SLMAP: variants seen among roughly 807,000 people sequenced by gnomAD.
SLMAP encodes the protein sarcolemma associated protein, also known as sarcolemmal membrane-associated protein.
A neutral mutation model predicts 128.8 loss-of-function variants in SLMAP; 44 were observed. The observed-to-expected ratio is 0.34, with a 90% CI of 0.27 to 0.44. SLMAP has a LOEUF of 0.44. Ranked by LOEUF, SLMAP falls within the 20% of genes least tolerant of loss-of-function variation. The pLI is 1.00. For synonymous variants in SLMAP, 327 were observed against 348.8 expected, an observed-to-expected ratio of 0.94 and a Z score of 0.70; for missense variants, 787 against 985.3, an observed-to-expected ratio of 0.80 and a Z score of 2.69.
In SLMAP at chr3:57,839,523, T is replaced by G. The variant is rs576119971; in HGVS notation, c.347-1776T>G. ...TGGCATGGTCTCGGCTCACTGCAAC[T>G]TTCGCCTCCCAGGTTCAAGCAGTTC... is the stretch of plus-strand genomic sequence containing the variant. On this transcript the variant is annotated intron_variant, in intron 3 of 24. Coordinates refer to ENST00000671191, the MANE Select transcript of SLMAP (RefSeq NM_001377540.1). Among the ~76,000 whole-genome samples the G allele has an allele frequency of 4.3e-4, 60 of 140,932 alleles. No homozygotes were observed. The East Asian group carries it at 0.013, about 30-fold the overall frequency. The allele number at this position is 140,932 out of a possible 152,430, so 92.5% of individuals were successfully genotyped here.
chr3:57,813,366 G>C (rs1256576156), intron 2 of SLMAP, among the ~76,000 whole-genome samples: 2 of 152,082 alleles, frequency 1.3e-5, no homozygotes, highest in African/African-American at 4.8e-5. Context: ...AAAGTGCTGG[G>C]ATTACAAGCC....
intron 3 of SLMAP, among the ~76,000 whole-genome samples, chr3:57,838,661 A>G (rs960768067): frequency 6.6e-6 from 1 of 152,194 alleles, no homozygotes; most frequent in Non-Finnish European, 1.5e-5. Flanking sequence ...TTACCCAGAT[A>G]CTGAGCTTTG....
intron 2 of SLMAP, among the ~76,000 whole-genome samples, chr3:57,760,790 C>T (rs1465134383): frequency 1.3e-5 from 2 of 151,934 alleles, no homozygotes; most frequent in Non-Finnish European, 2.9e-5. Context: ...TGCAATGGCG[C>T]GATCTTGGCT....
intron 10 of SLMAP, 119 bp from the exon 11 acceptor site, chr3:57,864,429 C>T (rs184626764): frequency 1.6e-6 from 1 of 628,150 alleles, no homozygotes; most frequent in East Asian, 2.9e-5. Flanking sequence ...TTCTGTAGAA[C>T]ATTTCTTTTC....
chr3:57,897,973 G>T (rs1205779078), intron 17 of SLMAP: 4 of 152,170 alleles, frequency 2.6e-5, no homozygotes, highest in African/African-American at 9.7e-5. Context: ...AGCCCAGTGG[G>T]TTTATTAAAA....
intron 2 of SLMAP, among the ~76,000 whole-genome samples, chr3:57,821,905 A>T (rs1032500854): frequency 7.2e-6 from 1 of 138,334 alleles, no homozygotes; most frequent in Non-Finnish European, 1.6e-5. Flanking sequence ...ATTTGCTGCA[A>T]TACCTGTTCC....
chr3:57,773,742 T>C (rs2081315183), intron 2 of SLMAP, among the ~76,000 whole-genome samples: 1 of 152,194 alleles, frequency 6.6e-6, no homozygotes, highest in Non-Finnish European at 1.5e-5. Flanking sequence ...TTCATAAGTA[T>C]AGTGAGCAGA....
chr3:57,924,944 T>G (rs1003944834), intron 23 of SLMAP, among the ~76,000 whole-genome samples: 1 of 150,650 alleles, frequency 6.6e-6, no homozygotes, highest in Non-Finnish European at 1.5e-5. Flanking sequence ...GTGTTTTTTG[T>G]TTTTTGTTTT....
intron 2 of SLMAP, among the ~76,000 whole-genome samples, chr3:57,817,609 A>G (rs2092015862): frequency 6.6e-6 from 1 of 152,184 alleles, no homozygotes; most frequent in Non-Finnish European, 1.5e-5. Context: ...TTCTTTCTGT[A>G]TAATCTTTGG....
chr3:57,871,207 G>A (rs2095472437), intron 13 of SLMAP, among the ~76,000 whole-genome samples: 1 of 152,112 alleles, frequency 6.6e-6, no homozygotes, highest in Non-Finnish European at 1.5e-5. Context: ...ATTACTTTAT[G>A]ATATTCTTAA....
intron 2 of SLMAP, among the ~76,000 whole-genome samples, chr3:57,818,296 C>T (rs1383342529): frequency 1.3e-5 from 2 of 152,188 alleles, no homozygotes; most frequent in Non-Finnish European, 2.9e-5. Context: ...GCTGGGATTA[C>T]AGGCATGCGC....
At chr3:57,865,395 T>C in intron 13 of SLMAP, 103 bp downstream of exon 13, 1 of 469,954 alleles carries the variant, frequency 2.1e-6, no homozygotes, top group African/African-American at 2.0e-5. Flanking sequence ...ATGAAAAGCA[T>C]GCTCTCACAG....
At chr3:57,843,775 C>CTTTTTTTTTTTTTTTTTTTTTTTTTTTTT (rs775541858) in intron 4 of SLMAP, among the ~76,000 whole-genome samples, 8 of 77,138 alleles carry the variant, frequency 1.0e-4, no homozygotes, top group East Asian at 4.6e-4. Context: ...TCTTTTCTTT[C>CTTTTTTTTTTTTTTTTTTTTTTTTTTTTT]TTTTTTTTTT....
chr3:57,859,454 C>T (rs946270419), intron 8 of SLMAP, among the ~76,000 whole-genome samples: 3 of 151,832 alleles, frequency 2.0e-5, no homozygotes, highest in Non-Finnish European at 4.4e-5. Context: ...ACTCGGGAGG[C>T]TTAGGTGGAA....
chr3:57,813,961 C>CTT (rs879747635), intron 2 of SLMAP, among the ~76,000 whole-genome samples: 1 of 140,900 alleles, frequency 7.1e-6, no homozygotes, highest in Non-Finnish European at 1.6e-5. Flanking sequence ...CCATACATGT[C>CTT]TTTTTTTTTT....
chr3:57,896,781 A>G, intron 16 of SLMAP, 92 bp from the exon 17 acceptor site: 1 of 1,439,970 alleles, frequency 6.9e-7, no homozygotes, highest in Non-Finnish European at 9.4e-7. Flanking sequence ...TAATAGCTGT[A>G]TCAATTCCAA....
intron 2 of SLMAP, among the ~76,000 whole-genome samples, chr3:57,782,017 G>A (rs1001425695): frequency 6.6e-5 from 10 of 152,126 alleles, no homozygotes; most frequent in African/African-American, 1.2e-4. Context: ...ACAGGTGTGA[G>A]CCATGATTTT....
At chr3:57,774,324 T>C (rs1474932857) in intron 2 of SLMAP, among the ~76,000 whole-genome samples, 2 of 152,148 alleles carry the variant, frequency 1.3e-5, no homozygotes, top group African/African-American at 2.4e-5. Flanking sequence ...AAAGCTGATA[T>C]AAAAATAGGT....
At chr3:57,837,418 G>C (rs575302312) in intron 3 of SLMAP, among the ~76,000 whole-genome samples, 4 of 152,202 alleles carry the variant, frequency 2.6e-5, no homozygotes, top group African/African-American at 4.8e-5. Context: ...GGCCAGGCTG[G>C]AGTGCAGTGG....
Sources: allele counts gnomAD v4.1 joint callset (sites outside exome capture counted in the v4.1 genomes callset), GRCh38; gene constraint gnomAD v4.1.1; transcripts MANE v1.5; gene names NCBI Gene and HGNC (gene_info 2026-07-23, HGNC 2026-07-21).